Variants in DEFB131A observed in about 807,000 individuals in gnomAD.
DEFB131A encodes the protein defensin beta 131A, also known as beta-defensin 131A.
A neutral mutation model predicts 2.4 loss-of-function variants in DEFB131A; 5 were observed. That is an observed-to-expected ratio of 2.12 (90% CI 1.11 to 4.47). The LOEUF is 4.47. DEFB131A is among the 30% of genes most tolerant of loss of function. DEFB131A has a pLI of 0.00. For synonymous variants in DEFB131A, 34 were observed against 25.7 expected (o/e 1.32, Z -0.97); for missense variants, 120 against 79.9 (o/e 1.50, Z -1.91).
Position 9,444,609 on chromosome 4 carries a change from T to G in DEFB131A, c.58+18T>G, listed in dbSNP as rs1360242597. On this transcript the variant is annotated intron_variant, in intron 1 of 1. Coordinates refer to ENST00000334879, the MANE Select transcript of DEFB131A (RefSeq NM_001040448.3). ...TCCTCCAGGTAAGACAGAAACTTTTTTATTCCAAAGTTCTAAAAATATAAG... is the reference window on the plus strand; with the variant it reads ...TCCTCCAGGTAAGACAGAAACTTTTGTATTCCAAAGTTCTAAAAATATAAG... 12 of 1,603,738 alleles carry G rather than the reference T, an allele frequency of 7.5e-6. No homozygotes were observed. Among genetic ancestry groups the G allele is most frequent in the Non-Finnish European group, 9.3e-6 (11 of 1,176,978 alleles).
chr4:9,450,312 A>T (rs535455047), intron 1 of DEFB131A, 48 bp from the exon 2 acceptor site: 1 of 1,431,552 alleles, frequency 7.0e-7, no homozygotes, highest in Admixed American at 2.6e-5. Flanking sequence ...ATTTAACAAT[A>T]AAAAGTAAGT....
At chr4:9,449,524 C>T (rs1333498069) in intron 1 of DEFB131A, among the ~76,000 whole-genome samples, 2 of 151,020 alleles carry the variant, frequency 1.3e-5, no homozygotes, top group African/African-American at 4.9e-5. Flanking sequence ...CTGTATCTTA[C>T]ACTACACACA....
intron 1 of DEFB131A, among the ~76,000 whole-genome samples, chr4:9,444,871 G>A (rs1396578963): frequency 4.7e-5 from 7 of 148,836 alleles, no homozygotes; most frequent in Admixed American, 1.3e-4. Flanking sequence ...GTTCTAGACC[G>A]ACCTGGTGGG....
intron 1 of DEFB131A, among the ~76,000 whole-genome samples, chr4:9,447,768 A>G (rs149825427): frequency 0.045 from 6,791 of 152,164 alleles, 232 homozygotes; most frequent in Non-Finnish European, 0.067. Flanking sequence ...CTGAGATACT[A>G]AAGATTGGGA....
At chr4:9,450,216 C>A (rs1245939401) in intron 1 of DEFB131A, 144 bp from the exon 2 acceptor site, 4 of 961,968 alleles carry the variant, frequency 4.2e-6, no homozygotes, top group Middle Eastern at 7.3e-4. Flanking sequence ...AGCATCTCCA[C>A]GTTTTCTCTT....
Position 9,450,625 on chromosome 4 carries a change from A to T in DEFB131A, c.*111A>T. 1 of 1,406,226 alleles carries T rather than the reference A, an allele frequency of 7.1e-7. No individual in the cohort carries two copies. 87.1% of individuals were successfully genotyped at this position (1,406,226 alleles called of 1,614,324 possible). A position where few individuals can be genotyped will look rare whatever the true frequency, so the allele number is the denominator to read the frequency against. On this transcript the variant is annotated 3_prime_UTR_variant, in exon 2 of 2. Transcript: ENST00000334879. ...AAAATTATTATAATTGCATGTTTAG[A>T]TGGTCAGGTGAAAATGAATATAAAT...
intron 1 of DEFB131A, among the ~76,000 whole-genome samples, chr4:9,446,916 C>G (rs1717518190): frequency 6.6e-6 from 1 of 151,994 alleles, no homozygotes; most frequent in Admixed American, 6.6e-5. Context: ...TCCTAGTATT[C>G]ATTTCTAGTT....
chr4:9,447,850 C>G (rs1194025192), intron 1 of DEFB131A, among the ~76,000 whole-genome samples: 2 of 151,904 alleles, frequency 1.3e-5, no homozygotes, highest in Non-Finnish European at 2.9e-5. Context: ...CTGATGTGAT[C>G]AAGGAAAGAA....
intron 1 of DEFB131A, among the ~76,000 whole-genome samples, chr4:9,448,728 G>A (rs1307073580): frequency 1.2e-4 from 19 of 152,190 alleles, no homozygotes; most frequent in East Asian, 1.9e-4. Context: ...GAAATTCTTC[G>A]CTCATACTCA....
Position 9,450,554 on chromosome 4 carries a change from A to G in DEFB131A, c.*40A>G. 6.3e-6 allele frequency: 10 copies of G among 1,588,738 alleles called. No homozygotes were observed. Among genetic ancestry groups the G allele is most frequent in the Non-Finnish European group, 8.6e-6 (10 of 1,166,924 alleles). On this transcript the variant is annotated 3_prime_UTR_variant, in exon 2 of 2. Transcript: ENST00000334879. Reference sequence around the variant, plus strand: ...TCTTCTTCAGACTCCGGGACAAAAAACATGTCTTAAACTCTCTTATCTATG... The same window carrying G: ...TCTTCTTCAGACTCCGGGACAAAAAGCATGTCTTAAACTCTCTTATCTATG...
chr4:9,444,503 A>C lies in DEFB131A; in HGVS notation c.-31A>C. On this transcript the variant is annotated 5_prime_UTR_variant, in exon 1 of 2. Coordinates refer to ENST00000334879, the MANE Select transcript of DEFB131A (RefSeq NM_001040448.3). ...GAAGTCCTCTTCATCTCAGCTACTG[A>C]TTCTCTCTAACCTGCTTTACCTATT... is the stretch of plus-strand genomic sequence containing the variant. 5.0e-6 allele frequency: 8 copies of C among 1,608,044 alleles called. No individual in the cohort carries two copies. The highest frequency in any genetic ancestry group is 5.9e-6 in the Non-Finnish European group (7 of 1,178,434).
Position 9,450,488 on chromosome 4 carries a change from G to T in DEFB131A, c.187G>T (p.Glu63Ter). 1.2e-6 allele frequency: 2 copies of T among 1,610,038 alleles called. No homozygotes were observed. Among genetic ancestry groups the T allele is most frequent in the Non-Finnish European group, 1.7e-6 (2 of 1,179,044 alleles). ...FSICCKLKII[E>*]IDGQKKW ...CATCTGCTGCAAACTGAAGATCATT[G>T]AAATTGACGGACAAAAGAAGTGGTG... Residue 63 changes from glutamate (E) to a stop codon, truncating the protein, a stop_gained, in exon 2 of 2, where the codon GAA becomes TAA. Transcript: ENST00000334879. LOFTEE classifies it low-confidence loss of function (END_TRUNC).
At chr4:9,444,908 C>CA (rs60893274) in intron 1 of DEFB131A, among the ~76,000 whole-genome samples, 4,954 of 136,614 alleles carry the variant, frequency 0.036, 237 homozygotes, top group African/African-American at 0.11. Flanking sequence ...CCCATCTCTC[C>CA]AAAAAAAAAA....
chr4:9,450,001 A>G (rs997050526), intron 1 of DEFB131A, among the ~76,000 whole-genome samples: 5 of 152,164 alleles, frequency 3.3e-5, no homozygotes, highest in Non-Finnish European at 7.4e-5. Context: ...ACTAGATTAC[A>G]TCCCCAATGA....
In DEFB131A at chr4:9,450,301, C is replaced by T. The variant is rs1489693352; in HGVS notation, c.59-59C>T. 9 of 1,387,884 alleles carry T rather than the reference C, an allele frequency of 6.5e-6. No homozygotes were observed. In the Admixed American group the frequency reaches 1.4e-4, roughly 21 times the overall value. 86.0% of individuals were successfully genotyped at this position (1,387,884 alleles called of 1,614,324 possible). ...TTAATTTATTATAAAACATTTCAGA[C>T]ATTTAACAATAAAAAGTAAGTAATA... On this transcript the variant is annotated intron_variant, in intron 1 of 1. Transcript: ENST00000334879.
intron 1 of DEFB131A, among the ~76,000 whole-genome samples, chr4:9,446,336 T>C (rs2108837123): frequency 6.6e-6 from 1 of 152,138 alleles, no homozygotes; most frequent in South Asian, 2.1e-4. Context: ...TTAGATTGAT[T>C]ATTGGTGTTG....
At position 9,447,677 on chromosome 4, in the gene DEFB131A, G is replaced by A. The variant is rs560883516; in HGVS notation, c.59-2683G>A. 7.4e-4 allele frequency among the ~76,000 whole-genome samples: 112 copies of A among 151,180 alleles called. No homozygotes were observed. The South Asian group carries it at 0.022, about 30-fold the overall frequency. On this transcript the variant is annotated intron_variant, in intron 1 of 1. Coordinates refer to ENST00000334879, the MANE Select transcript of DEFB131A (RefSeq NM_001040448.3). Reference sequence around the variant, plus strand: ...AGGACATCAGCCATATTGCATGAGGGCCATACCCTGGGAGTCTCATTTTAG... The same window carrying A: ...AGGACATCAGCCATATTGCATGAGGACCATACCCTGGGAGTCTCATTTTAG...
intron 1 of DEFB131A, among the ~76,000 whole-genome samples, chr4:9,449,391 C>T (rs930161046): frequency 1.6e-5 from 2 of 125,010 alleles, no homozygotes; most frequent in African/African-American, 2.9e-5. Flanking sequence ...AATCAACCGA[C>T]ACTTACACAG....
At chr4:9,446,275 A>C (rs1717502589) in intron 1 of DEFB131A, among the ~76,000 whole-genome samples, 1 of 152,128 alleles carries the variant, frequency 6.6e-6, no homozygotes, top group South Asian at 2.1e-4. Context: ...ACCACAGTTT[A>C]ATATGATTTA....
Sources: gnomAD v4.1 joint callset for allele counts (sites outside exome capture counted in the v4.1 genomes callset) on GRCh38, gnomAD v4.1.1 for gene constraint, MANE v1.5 for transcripts, NCBI Gene and HGNC (gene_info 2026-07-23, HGNC 2026-07-21) for gene names.